Variants in TRIM2 observed in about 807,000 individuals in gnomAD.
TRIM2 encodes the protein tripartite motif-containing protein 2.
In TRIM2, 20 loss-of-function variants were observed where a neutral mutation model predicts 75.2. The ratio of observed to expected loss-of-function variants is 0.27; its 90% CI spans 0.19 to 0.39. The LOEUF (loss-of-function observed/expected upper bound fraction) is 0.39. TRIM2 is among the 10% of genes least tolerant of loss of function. The pLI is 1.00. For missense variants in TRIM2, 660 were observed against 990.8 expected (o/e 0.67, Z 4.48); for synonymous variants, 373 against 388.3 (o/e 0.96, Z 0.46).
chr4:153,190,273 G>T (rs1483400535), intron 1 of TRIM2, among the ~76,000 whole-genome samples: 1 of 152,228 alleles, frequency 6.6e-6, no homozygotes, highest in Non-Finnish European at 1.5e-5. Context: ...GCAGGAAAAA[G>T]AGGCTGTACC....
chr4:153,316,123 ATC>A (rs1326761885), intron 8 of TRIM2, 124 bp downstream of exon 8: 4 of 891,878 alleles, frequency 4.5e-6, no homozygotes, highest in African/African-American at 1.7e-5. Context: ...ACACAAAGAT[ATC>A]TGACATCTAA....
chr4:153,196,388 G>A (rs973436381), intron 1 of TRIM2, among the ~76,000 whole-genome samples: 2 of 152,072 alleles, frequency 1.3e-5, no homozygotes, highest in Non-Finnish European at 2.9e-5. Context: ...AGTGAGCTAT[G>A]ATCACACCAC....
chr4:153,198,918 A>T (rs1050118345), intron 1 of TRIM2, among the ~76,000 whole-genome samples: 1 of 152,180 alleles, frequency 6.6e-6, no homozygotes, highest in Admixed American at 6.5e-5. Flanking sequence ...GTAAAATTTT[A>T]ATTAGATGAT....
At chr4:153,262,468 G>A (rs1461264393) in intron 1 of TRIM2, among the ~76,000 whole-genome samples, 4 of 151,982 alleles carry the variant, frequency 2.6e-5, no homozygotes, top group Non-Finnish European at 1.5e-5. Flanking sequence ...CAGAATACAG[G>A]GTCTGAAAAA....
At chr4:153,261,159 T>C (rs1222871206) in intron 1 of TRIM2, among the ~76,000 whole-genome samples, 1 of 152,198 alleles carries the variant, frequency 6.6e-6, no homozygotes. Context: ...CAATGACTCA[T>C]GCCTGTAATC....
rs534278586 is a variant in TRIM2, at chr4:153,255,080, T to A, written c.31-15255T>A. Among the ~76,000 whole-genome samples the A allele has an allele frequency of 2.9e-3, 438 of 152,300 alleles. 10 individuals are homozygous for A. Among genetic ancestry groups the A allele is most frequent in the East Asian group, 9.6e-4 (5 of 5,184 alleles). On this transcript the variant is annotated intron_variant, in intron 1 of 11. Coordinates refer to ENST00000338700, the MANE Select transcript of TRIM2 (RefSeq NM_015271.5). Reference sequence around the variant, plus strand: ...TCTATGGGCGCCCAGAGCATTTGCTTCCTCTTGCTCTCAAGCATTTACCAC... The same window carrying A: ...TCTATGGGCGCCCAGAGCATTTGCTACCTCTTGCTCTCAAGCATTTACCAC...
intron 1 of TRIM2, among the ~76,000 whole-genome samples, chr4:153,177,490 A>G (rs1261676556): frequency 6.6e-6 from 1 of 152,100 alleles, no homozygotes; most frequent in African/African-American, 2.4e-5. Flanking sequence ...TACTAAAAAT[A>G]CAAAAATTAG....
At chr4:153,211,144 C>T (rs1018504001) in intron 1 of TRIM2, among the ~76,000 whole-genome samples, 6 of 152,138 alleles carry the variant, frequency 3.9e-5, no homozygotes, top group Admixed American at 2.6e-4. Context: ...ATCTGCACAC[C>T]GACCTGGTGG....
At chr4:153,225,911 C>G (rs1741984579) in intron 1 of TRIM2, among the ~76,000 whole-genome samples, 1 of 152,186 alleles carries the variant, frequency 6.6e-6, no homozygotes, top group Admixed American at 6.5e-5. Context: ...GACTTTGTCA[C>G]CCAAACTTCA....
At chr4:153,331,616 G>T (rs1222736170) in intron 11 of TRIM2, among the ~76,000 whole-genome samples, 2 of 152,102 alleles carry the variant, frequency 1.3e-5, no homozygotes. Flanking sequence ...AGGATTTTTT[G>T]CAGATATAAA....
chr4:153,181,780 C>T (rs1438808561), intron 1 of TRIM2, among the ~76,000 whole-genome samples: 4 of 152,094 alleles, frequency 2.6e-5, no homozygotes, highest in South Asian at 4.1e-4. Context: ...TACTCAGGAT[C>T]GTTGGGTGCC....
At position 153,338,119 on chromosome 4, in the gene TRIM2, T is replaced by TA. The variant is rs1235733239; in HGVS notation, c.*3154dup. On this transcript the variant is annotated 3_prime_UTR_variant, in exon 12 of 12. Coordinates refer to ENST00000338700, the MANE Select transcript of TRIM2 (RefSeq NM_015271.5). ...AATAAATACTCCAGATCCATGCAGCTAGAACACACTTGCTTCCACTACTAA... is the reference window on the plus strand; with the variant it reads ...AATAAATACTCCAGATCCATGCAGCTAAGAACACACTTGCTTCCACTACTAA... The TA allele has an allele frequency of 1.0e-6, 1 of 985,738 alleles. No homozygotes were observed. Among genetic ancestry groups the TA allele is most frequent in the Non-Finnish European group, 1.2e-6 (1 of 829,936 alleles). 61.1% of individuals were successfully genotyped at this position (985,738 alleles called of 1,614,324 possible).
chr4:153,258,272 A>G (rs563456935), intron 1 of TRIM2, among the ~76,000 whole-genome samples: 13 of 152,088 alleles, frequency 8.5e-5, no homozygotes, highest in Non-Finnish European at 1.5e-4. Flanking sequence ...TCTGAATGCC[A>G]TTGAGGGCCA....
At chr4:153,187,715 G>A (rs1439704126) in intron 1 of TRIM2, among the ~76,000 whole-genome samples, 1 of 152,198 alleles carries the variant, frequency 6.6e-6, no homozygotes, top group Non-Finnish European at 1.5e-5. Context: ...CCCTGACAAA[G>A]GGGAAGTCTG....
chr4:153,308,662 T>C, intron 6 of TRIM2: 1 of 583,442 alleles, frequency 1.7e-6, no homozygotes. Context: ...CTGCTCAGCA[T>C]CAAATTTGGT....
At chr4:153,169,952 C>G (rs563127322) in intron 1 of TRIM2, among the ~76,000 whole-genome samples, 4 of 152,362 alleles carry the variant, frequency 2.6e-5, no homozygotes, top group African/African-American at 7.2e-5. Flanking sequence ...CACATTCTAA[C>G]TTCATCCGCA....
intron 1 of TRIM2, among the ~76,000 whole-genome samples, chr4:153,235,934 C>G (rs1744920729): frequency 6.6e-6 from 1 of 152,144 alleles, no homozygotes; most frequent in Non-Finnish European, 1.5e-5. Context: ...TTCTTTCCCC[C>G]TAGATTCTAA....
At chr4:153,170,678 T>C (rs1163550208) in intron 1 of TRIM2, among the ~76,000 whole-genome samples, 1 of 152,164 alleles carries the variant, frequency 6.6e-6, no homozygotes, top group African/African-American at 2.4e-5. Context: ...GAGGTGAGCC[T>C]GGGAAACCTA....
At chr4:153,315,810 A>G (rs1317996056) in intron 7 of TRIM2, 22 bp from the exon 8 acceptor site, 1 of 1,612,864 alleles carries the variant, frequency 6.2e-7, no homozygotes, top group Non-Finnish European at 8.5e-7. Context: ...TCACATTCCA[A>G]TGAATGTAAT....
Sources: gnomAD v4.1 joint callset for allele counts (sites outside exome capture counted in the v4.1 genomes callset) on GRCh38, gnomAD v4.1.1 for gene constraint, MANE v1.5 for transcripts, NCBI Gene and HGNC (gene_info 2026-07-23, HGNC 2026-07-21) for gene names.